RUNDC1: variants seen among roughly 807,000 people sequenced by gnomAD.
The protein encoded by RUNDC1 is RUN domain containing 1, also known as RUN domain-containing protein 1.
RUNDC1 carries 31 observed loss-of-function variants against 49.3 expected under a neutral mutation model. The ratio of observed to expected loss-of-function variants is 0.63; its 90% CI spans 0.47 to 0.85. The LOEUF is 0.85. Ranked by LOEUF, RUNDC1 falls within the 40% of genes least tolerant of loss-of-function variation. The pLI is 0.00. For missense variants in RUNDC1, 715 were observed against 806.7 expected (o/e 0.89, Z 1.38); for synonymous variants, 347 against 348.6 (o/e 1.00, Z 0.05).
intron 3 of RUNDC1, among the ~76,000 whole-genome samples, chr17:42,989,959 T>C (rs1002535036): frequency 6.6e-6 from 1 of 152,186 alleles, no homozygotes; most frequent in African/African-American, 2.4e-5. Flanking sequence ...CTTGATGTAC[T>C]ATTTAAGAGG....
At chr17:42,988,947 A>ATCAAGAGTCCAGTTT (rs1308340691) in intron 2 of RUNDC1, among the ~76,000 whole-genome samples, 1 of 152,222 alleles carries the variant, frequency 6.6e-6, no homozygotes, top group Non-Finnish European at 1.5e-5. Context: ...ACTGGACCCT[A>ATCAAGAGTCCAGTTT]GCCTGGGTGA....
intron 1 of RUNDC1, among the ~76,000 whole-genome samples, chr17:42,985,381 G>A (rs947928240): frequency 6.6e-6 from 1 of 152,130 alleles, no homozygotes; most frequent in Admixed American, 6.5e-5. Flanking sequence ...AACCTCTAGA[G>A]GAAATGTTTA....
rs1472739034 is a variant in RUNDC1 at position 42,993,758 on chromosome 17, G to GA, written c.*2048dup. 6.6e-6 allele frequency: 1 copy of GA among 152,110 alleles called. No individual in the cohort carries two copies. Among genetic ancestry groups the GA allele is most frequent in the Non-Finnish European group, 1.5e-5 (1 of 68,036 alleles). The allele number at this position is 152,110 out of a possible 1,614,324, so 9.4% of individuals were successfully genotyped here. A position where few individuals can be genotyped will look rare whatever the true frequency, so the allele number is the denominator to read the frequency against. On this transcript the variant is annotated 3_prime_UTR_variant, in exon 5 of 5. Coordinates refer to ENST00000361677, the MANE Select transcript of RUNDC1 (RefSeq NM_173079.5). ...TGGTGGTAGTAGGGGTTTTTTGCCTGAAAAAATTCACTAAAAAGTCCCCTT... is the reference window on the plus strand; with the variant it reads ...TGGTGGTAGTAGGGGTTTTTTGCCTGAAAAAAATTCACTAAAAAGTCCCCTT...
At chr17:42,986,161 A>AT (rs11408425) in intron 1 of RUNDC1, among the ~76,000 whole-genome samples, 85,743 of 149,840 alleles carry the variant, frequency 0.57, 27,830 homozygotes, top group East Asian at 0.84. Context: ...CGCCTGGCTA[A>AT]TTTTTTTTTT....
At chr17:42,987,460 T>TG in intron 2 of RUNDC1, 46 bp downstream of exon 2, 1 of 1,591,848 alleles carries the variant, frequency 6.3e-7, no homozygotes, top group Non-Finnish European at 8.6e-7. Context: ...GAGGTTAACT[T>TG]GTCCCTTCCA....
At chr17:42,984,165 G>A (rs573735162) in intron 1 of RUNDC1, among the ~76,000 whole-genome samples, 23 of 151,668 alleles carry the variant, frequency 1.5e-4, no homozygotes, top group Non-Finnish European at 2.7e-4. Context: ...CTGTAGAGGT[G>A]GGGCTCTCCC....
Position 42,989,617 on chromosome 17 carries a change from T to C in RUNDC1, c.856+78T>C, listed in dbSNP as rs924032216. The C allele has an allele frequency of 6.5e-6, 9 of 1,379,918 alleles. No individual in the cohort carries two copies. The African/African-American group carries it at 1.2e-4, about 18-fold the overall frequency. 85.5% of individuals were successfully genotyped at this position (1,379,918 alleles called of 1,614,324 possible). A position where few individuals can be genotyped will look rare whatever the true frequency, so the allele number is the denominator to read the frequency against. On this transcript the variant is annotated intron_variant, in intron 3 of 4. Coordinates refer to ENST00000361677, the MANE Select transcript of RUNDC1 (RefSeq NM_173079.5). ...CTTATTCTAAGTACTAGTAAAAAGG[T>C]TCTAATTCTGGTTTTTTGTTCTTTT...
Position 42,991,330 on chromosome 17 carries a change from C to T in RUNDC1, c.1456C>T (p.Arg486Cys), listed in dbSNP as rs769671401. The T allele has an allele frequency of 9.3e-6, 15 of 1,614,086 alleles. No individual in the cohort carries two copies. The East Asian group carries it at 3.1e-4, about 34-fold the overall frequency. The change falls in exon 5 of 5, where the codon CGT (arginine) becomes TGT (cysteine). Residue 486 changes from arginine to cysteine, a missense_variant. By Grantham distance (180) the Arg-to-Cys change is radical (BLOSUM62 -3). Transcript: ENST00000361677. ...AAAGTACTACCATGCTAAGAACGGC[C>T]GTGCTTATGTGGAATCCCCAGCCCG... ...FVKYYHAKNGRAYVESPARKL... is the reference protein window; with the variant it reads ...FVKYYHAKNGCAYVESPARKL...
chr17:42,981,381 T>C (rs774706826), intron 1 of RUNDC1: 78 of 365,600 alleles, frequency 2.1e-4, no homozygotes, highest in Non-Finnish European at 3.6e-4. Flanking sequence ...CCAAGAGCAG[T>C]GCTGCGCCCA....
intron 1 of RUNDC1, 57 bp downstream of exon 1, chr17:42,981,131 G>A: frequency 6.6e-7 from 1 of 1,504,012 alleles, no homozygotes; most frequent in Non-Finnish European, 8.8e-7. Context: ...CGTGTGGGTG[G>A]CGATCCAGAC....
chr17:42,994,914 A>AG lies in RUNDC1; in HGVS notation c.*3201dup, dbSNP rs752529892. Among the ~76,000 whole-genome samples the AG allele has an allele frequency of 6.6e-6, 1 of 151,890 alleles. No individual in the cohort carries two copies. The highest frequency in any genetic ancestry group is 1.5e-5 in the Non-Finnish European group (1 of 67,974). On this transcript the variant is annotated 3_prime_UTR_variant, in exon 5 of 5. Transcript: ENST00000361677. Reference sequence around the variant, plus strand: ...ACGGATATGTATGCAGTGGAAATGTAGGGTGTGTTGTACAAGTATGATCTG... The same window carrying AG: ...ACGGATATGTATGCAGTGGAAATGTAGGGGTGTGTTGTACAAGTATGATCTG...
At position 42,992,328 on chromosome 17, in the gene RUNDC1, G is replaced by A. The variant is rs2050255438; in HGVS notation, c.*612G>A. ...TCACGCCTGTAATCTCAGCACATTG[G>A]GAGGCTGAGGTGGGCGGATCACCTG... On this transcript the variant is annotated 3_prime_UTR_variant, in exon 5 of 5. Transcript: ENST00000361677. 6.6e-6 allele frequency: 1 copy of A among 152,588 alleles called. No individual in the cohort carries two copies. The highest frequency in any genetic ancestry group is 6.6e-5 in the Admixed American group (1 of 15,240). 9.5% of individuals were successfully genotyped at this position (152,588 alleles called of 1,614,324 possible).
intron 1 of RUNDC1, chr17:42,982,036 ACTG>A (rs952299344): frequency 7.9e-6 from 1 of 126,142 alleles, no homozygotes; most frequent in African/African-American, 3.1e-5. Context: ...CCTAGGCCAG[ACTG>A]CATTGGCGCA....
chr17:42,993,092 C>G lies in RUNDC1; in HGVS notation c.*1376C>G, dbSNP rs1307827629. 1 of 152,236 alleles carries G rather than the reference C, an allele frequency of 6.6e-6. No homozygotes were observed. The highest frequency in any genetic ancestry group is 1.5e-5 in the Non-Finnish European group (1 of 68,050). The allele number at this position is 152,236 out of a possible 1,614,324, so 9.4% of individuals were successfully genotyped here. On this transcript the variant is annotated 3_prime_UTR_variant, in exon 5 of 5. Transcript: ENST00000361677. ...CCAGCAGCTGTTCCTCAGGTTGTGA[C>G]TCACTGAGCACCACTTGTCCTGGAG...
In RUNDC1 at chr17:42,993,500, A is replaced by G. The variant is rs576475552; in HGVS notation, c.*1784A>G. The G allele has an allele frequency of 6.6e-6, 1 of 152,326 alleles. No homozygotes were observed. Among genetic ancestry groups the G allele is most frequent in the African/African-American group, 2.4e-5 (1 of 41,570 alleles). 9.4% of individuals were successfully genotyped at this position (152,326 alleles called of 1,614,324 possible). On this transcript the variant is annotated 3_prime_UTR_variant, in exon 5 of 5. Coordinates refer to ENST00000361677, the MANE Select transcript of RUNDC1 (RefSeq NM_173079.5). ...AGATACATTACTGATATTTCATTAT[A>G]ATTAGTTCACCTTCCCTGTGAAACA... is the stretch of plus-strand genomic sequence containing the variant.
chr17:42,989,313 G>T (rs200648142), intron 2 of RUNDC1, 28 bp from the exon 3 acceptor site: 7 of 1,581,100 alleles, frequency 4.4e-6, no homozygotes, highest in East Asian at 2.2e-5. Context: ...ATTCCAAAGG[G>T]TGTGCTCATT....
In RUNDC1 at chr17:42,992,388, G is replaced by A. The variant is rs973923119; in HGVS notation, c.*672G>A. On this transcript the variant is annotated 3_prime_UTR_variant, in exon 5 of 5. Coordinates refer to ENST00000361677, the MANE Select transcript of RUNDC1 (RefSeq NM_173079.5). ...GTTCAAGACCAGCCTGGCCAACATG[G>A]TGAAACCCCATCTCTACTAAAAATA... 1 of 152,146 alleles carries A rather than the reference G, an allele frequency of 6.6e-6. No homozygotes were observed. Among genetic ancestry groups the A allele is most frequent in the Non-Finnish European group, 1.5e-5 (1 of 68,240 alleles). 9.4% of individuals were successfully genotyped at this position (152,146 alleles called of 1,614,324 possible). A position where few individuals can be genotyped will look rare whatever the true frequency, so the allele number is the denominator to read the frequency against.
rs956132256 is a variant in RUNDC1, at chr17:42,992,247, C to T, written c.*531C>T. On this transcript the variant is annotated 3_prime_UTR_variant, in exon 5 of 5. Coordinates refer to ENST00000361677, the MANE Select transcript of RUNDC1 (RefSeq NM_173079.5). Reference sequence around the variant, plus strand: ...AAAAGAAGGTTGTACCCACAGTATACGTGTGGGCACTTGTGCTTGAGCCTG... The same window carrying T: ...AAAAGAAGGTTGTACCCACAGTATATGTGTGGGCACTTGTGCTTGAGCCTG... 2.6e-5 allele frequency: 4 copies of T among 155,096 alleles called. No homozygotes were observed. The highest frequency in any genetic ancestry group is 1.9e-4 in the South Asian group (1 of 5,366). The allele number at this position is 155,096 out of a possible 1,614,324, so 9.6% of individuals were successfully genotyped here.
rs1372204087 is a variant in RUNDC1 at position 42,986,463 on chromosome 17, G to C, written c.499-793G>C. Among the ~76,000 whole-genome samples the C allele has an allele frequency of 2.0e-5, 3 of 152,020 alleles. No individual in the cohort carries two copies. In the East Asian group the frequency reaches 5.8e-4, roughly 29 times the overall value. On this transcript the variant is annotated intron_variant, in intron 1 of 4. Transcript: ENST00000361677. ...CAGAAGTGGTCTATCGTACATCAAA[G>C]GGACTTTGGTGAACCTTAGGAAAGC...
Sources: allele counts gnomAD v4.1 joint callset (sites outside exome capture counted in the v4.1 genomes callset), GRCh38; gene constraint gnomAD v4.1.1; transcripts MANE v1.5; gene names NCBI Gene and HGNC (gene_info 2026-07-23, HGNC 2026-07-21).